The following CNTN5 variants were observed in gnomAD, a reference collection of about 807,000 sequenced individuals.
CNTN5 encodes contactin 5, also known as contactin-5.
CNTN5 carries 77 observed loss-of-function variants against 129.1 expected under a neutral mutation model. The observed-to-expected ratio is 0.60, with a 90% CI of 0.50 to 0.72. CNTN5 has a LOEUF of 0.72. CNTN5 is among the 30% of genes least tolerant of loss of function. The pLI is 0.00. For synonymous variants in CNTN5, 509 were observed against 465.6 expected (o/e 1.09, Z -1.20); for missense variants, 1,478 against 1,328.8 (o/e 1.11, Z -1.75).
At chr11:99,584,792 C>A (rs1391432245) in intron 3 of CNTN5, among the ~76,000 whole-genome samples, 1 of 152,182 alleles carries the variant, frequency 6.6e-6, no homozygotes, top group Non-Finnish European at 1.5e-5. Flanking sequence ...AACAAACTAG[C>A]AGCAGCTGCT....
intron 6 of CNTN5, among the ~76,000 whole-genome samples, chr11:99,915,100 C>A (rs12797505): frequency 0.16 from 23,637 of 151,848 alleles, 2,018 homozygotes; most frequent in African/African-American, 0.21. Context: ...TTCTAAGAAG[C>A]ATTTCTTATC....
In CNTN5 at chr11:99,934,921, TATATATATATATATATATATATATATAC is replaced by T. The variant is rs200324463; in HGVS notation, c.673+18774_673+18801del. Among the ~76,000 whole-genome samples, 15 of 53,164 alleles carry T rather than the reference TATATATATATATATATATATATATATAC, an allele frequency of 2.8e-4. 1 individual carries two copies. Among genetic ancestry groups the T allele is most frequent in the African/African-American group, 9.8e-4 (11 of 11,260 alleles). 34.9% of individuals were successfully genotyped at this position (53,164 alleles called of 152,430 possible). On this transcript the variant is annotated intron_variant, in intron 7 of 24. Transcript: ENST00000524871. The stretch of plus-strand genomic sequence containing the variant: ...GTGTATATATATATATATATATATA[TATATATATATATATATATATATATATAC>T]ACACACATATATATGGTGATTAGTC...
intron 6 of CNTN5, among the ~76,000 whole-genome samples, chr11:99,909,414 G>A (rs1591402090): frequency 1.3e-5 from 2 of 152,128 alleles, no homozygotes; most frequent in African/African-American, 4.8e-5. Context: ...GATTCCTCAG[G>A]GATCTAGAAG....
intron 1 of CNTN5, among the ~76,000 whole-genome samples, chr11:99,199,341 AGT>A (rs559275619): frequency 7.2e-4 from 109 of 152,214 alleles, no homozygotes; most frequent in Non-Finnish European, 1.2e-3. Context: ...TTGCAGACCA[AGT>A]GGCCATTTAG....
At chr11:99,738,370 T>G (rs1445051135) in intron 3 of CNTN5, among the ~76,000 whole-genome samples, 1 of 152,112 alleles carries the variant, frequency 6.6e-6, no homozygotes, top group Admixed American at 6.6e-5. Flanking sequence ...AAATTTCTAG[T>G]CTCCAGAACG....
intron 3 of CNTN5, among the ~76,000 whole-genome samples, chr11:99,769,046 C>T (rs1470969159): frequency 1.3e-5 from 2 of 151,970 alleles, no homozygotes; most frequent in South Asian, 2.1e-4. Context: ...CTTTTCATTT[C>T]TTAAAAAATT....
At chr11:100,318,795 G>C (rs1483257082) in intron 21 of CNTN5, among the ~76,000 whole-genome samples, 4 of 152,062 alleles carry the variant, frequency 2.6e-5, no homozygotes, top group Non-Finnish European at 5.9e-5. Flanking sequence ...AGGAAATGAA[G>C]AAATTGTATA....
chr11:99,862,946 G>A (rs1948253694), intron 6 of CNTN5, among the ~76,000 whole-genome samples: 1 of 152,052 alleles, frequency 6.6e-6, no homozygotes, highest in South Asian at 2.1e-4. Context: ...ATATATATGT[G>A]TGTGTTTGGT....
At chr11:99,082,324 A>C (rs994434876) in intron 1 of CNTN5, among the ~76,000 whole-genome samples, 1 of 151,868 alleles carries the variant, frequency 6.6e-6, no homozygotes, top group African/African-American at 2.4e-5. Flanking sequence ...AGCTGGGACT[A>C]CAGGCGCATG....
chr11:99,110,424 G>C (rs1316275183), intron 1 of CNTN5, among the ~76,000 whole-genome samples: 1 of 152,046 alleles, frequency 6.6e-6, no homozygotes, highest in East Asian at 1.9e-4. Flanking sequence ...TTAAAAGCAT[G>C]CTATATGAAC....
intron 2 of CNTN5, among the ~76,000 whole-genome samples, chr11:99,515,899 A>G (rs1196692185): frequency 1.3e-5 from 2 of 151,894 alleles, no homozygotes; most frequent in African/African-American, 4.8e-5. Flanking sequence ...TATATTTTAA[A>G]CTACATTGTA....
intron 3 of CNTN5, among the ~76,000 whole-genome samples, chr11:99,784,322 C>T (rs925151215): frequency 3.9e-5 from 6 of 152,094 alleles, no homozygotes; most frequent in African/African-American, 1.4e-4. Flanking sequence ...CACATAGGCC[C>T]AGGTGTGTGA....
At chr11:99,571,477 C>A (rs920246842) in intron 3 of CNTN5, among the ~76,000 whole-genome samples, 2 of 152,020 alleles carry the variant, frequency 1.3e-5, no homozygotes, top group Admixed American at 1.3e-4. Context: ...AGTTAGGAAA[C>A]CTTGACACTT....
chr11:99,233,908 T>A (rs930540030), intron 1 of CNTN5, among the ~76,000 whole-genome samples: 1 of 152,118 alleles, frequency 6.6e-6, no homozygotes, highest in African/African-American at 2.4e-5. Flanking sequence ...ATCGCACCAC[T>A]GCACTCCAGA....
At chr11:99,085,433 T>C (rs1179353151) in intron 1 of CNTN5, among the ~76,000 whole-genome samples, 1 of 152,298 alleles carries the variant, frequency 6.6e-6, no homozygotes, top group East Asian at 1.9e-4. Context: ...TTTCTAACAT[T>C]TTTGAAATTT....
chr11:99,895,646 G>T (rs2135929061), intron 6 of CNTN5, among the ~76,000 whole-genome samples: 1 of 152,246 alleles, frequency 6.6e-6, no homozygotes, highest in Non-Finnish European at 1.5e-5. Context: ...GGGAAAGTGA[G>T]TGGGGGAAGA....
At chr11:100,030,174 A>C (rs1006306505) in intron 9 of CNTN5, among the ~76,000 whole-genome samples, 6 of 151,646 alleles carry the variant, frequency 4.0e-5, no homozygotes, top group African/African-American at 1.5e-4. Flanking sequence ...CTGGCGTTCA[A>C]GACCATCCTG....
chr11:99,388,982 C>CTTATT (rs527528323), intron 2 of CNTN5, among the ~76,000 whole-genome samples: 25,121 of 120,250 alleles, frequency 0.21, 3,126 homozygotes, highest in Admixed American at 0.25. Context: ...TTCTCCAGTC[C>CTTATT]TTATTTTATT....
intron 2 of CNTN5, among the ~76,000 whole-genome samples, chr11:99,437,599 G>A (rs996892865): frequency 6.6e-6 from 1 of 152,010 alleles, no homozygotes; most frequent in Non-Finnish European, 1.5e-5. Flanking sequence ...AGGCTGAGGC[G>A]GGTGGATCAC....
Sources: allele counts gnomAD v4.1 joint callset (sites outside exome capture counted in the v4.1 genomes callset), GRCh38; gene constraint gnomAD v4.1.1; transcripts MANE v1.5; gene names NCBI Gene and HGNC (gene_info 2026-07-23, HGNC 2026-07-21).